The following PACRGL variants were observed in gnomAD, a reference collection of about 807,000 sequenced individuals.
The protein encoded by PACRGL is parkin coregulated like, also known as PACRG-like protein.
PACRGL carries 38 observed loss-of-function variants against 34.5 expected under a neutral mutation model. That is an observed-to-expected ratio of 1.10 (90% CI 0.85 to 1.44). The LOEUF (loss-of-function observed/expected upper bound fraction) is 1.44, where lower values mean the gene tolerates loss of function less well. Ranked by LOEUF, PACRGL falls within the 40% of genes most tolerant of loss-of-function variation. The probability of loss-of-function intolerance (pLI) is 0.00; values close to 1 mark genes in which losing one functional copy is unlikely to be tolerated. For synonymous variants in PACRGL, 128 were observed against 100.1 expected (o/e 1.28, Z -1.66); for missense variants, 305 against 281.4 (o/e 1.08, Z -0.60).
rs1356413364 is a variant in PACRGL at position 20,704,738 on chromosome 4, C to T, written c.131C>T (p.Ser44Leu). ...NAVQGSKSSL[S>L]TSSPESARKL... Reference sequence around the variant, plus strand: ...GTTCAGGGAAGCAAATCCTCATTGTCAACCAGTTCTCCAGAGTCTGCAAGA... The same window carrying T: ...GTTCAGGGAAGCAAATCCTCATTGTTAACCAGTTCTCCAGAGTCTGCAAGA... The change falls in exon 3 of 9, where the codon TCA (serine) becomes TTA (leucine). Residue 44 changes from serine (S) to leucine (L), a missense_variant. By Grantham distance (145) the Ser-to-Leu change is moderately radical (BLOSUM62 -2). Coordinates refer to ENST00000503585, the MANE Select transcript of PACRGL (RefSeq NM_001258345.3). 6.2e-7 allele frequency: 1 copy of T among 1,614,040 alleles called. No homozygotes were observed. The highest frequency in any genetic ancestry group is 1.1e-5 in the South Asian group (1 of 91,082).
intron 7 of PACRGL, chr4:20,716,329 C>T (rs1434353592): frequency 3.5e-6 from 2 of 572,034 alleles, no homozygotes; most frequent in Non-Finnish European, 6.1e-6. Flanking sequence ...GTTATTCATG[C>T]AGTGTTTTTT....
At position 20,741,477 on chromosome 4, in the gene PACRGL, G is replaced by A. The variant is rs184879391; in HGVS notation, c.*57-11088G>A. 1.4e-4 allele frequency among the ~76,000 whole-genome samples: 21 copies of A among 152,234 alleles called. No homozygotes were observed. The East Asian group carries it at 3.7e-3, about 27-fold the overall frequency. ...CCTGCTCCTGAATGACCACTGGGTA[G>A]ATAATGAAATGAAGGCAGAAATAAA... On this transcript the variant is annotated intron_variant, in intron 8 of 8. Coordinates refer to the PACRGL transcript ENST00000507634.
downstream of PACRGL, chr4:20,732,609 C>G: frequency 1.1e-6 from 1 of 895,200 alleles, no homozygotes; most frequent in African/African-American, 1.6e-5. Context: ...TTTGAATCAT[C>G]GTGGTGCATG....
At chr4:20,740,930 T>G (rs1309616246) in intron 8 of PACRGL, among the ~76,000 whole-genome samples, 4 of 151,962 alleles carry the variant, frequency 2.6e-5, no homozygotes, top group African/African-American at 9.7e-5. Flanking sequence ...TCCTAGTCTC[T>G]GATAAAACAG....
rs1489196438 is a variant in PACRGL at position 20,729,081 on chromosome 4, T to TCTTAGTAGACAGTGG, written c.*1741_*1755dup. ...CTTGCTAATTTTGCTTGCTGTTTGT[T>TCTTAGTAGACAGTGG]CTTAGTAGACAGTGGGGTAGTCAAG... On this transcript the variant is annotated 3_prime_UTR_variant, in exon 9 of 9. Coordinates refer to ENST00000503585, the MANE Select transcript of PACRGL (RefSeq NM_001258345.3). The TCTTAGTAGACAGTGG allele has an allele frequency of 2.0e-5, 3 of 152,062 alleles. No individual in the cohort carries two copies. Among genetic ancestry groups the TCTTAGTAGACAGTGG allele is most frequent in the Non-Finnish European group, 2.9e-5 (2 of 68,012 alleles). The allele number at this position is 152,062 out of a possible 1,614,324, so 9.4% of individuals were successfully genotyped here.
chr4:20,751,514 G>A (rs1210528793), intron 8 of PACRGL, among the ~76,000 whole-genome samples: 2 of 151,524 alleles, frequency 1.3e-5, no homozygotes, highest in Non-Finnish European at 2.9e-5. Flanking sequence ...GATCGATGGT[G>A]TGTTGAACTG....
At chr4:20,752,529 C>A (rs1341341724) in intron 8 of PACRGL, 1 of 152,182 alleles carries the variant, frequency 6.6e-6, no homozygotes, top group Non-Finnish European at 1.5e-5. Context: ...ACAAACGTAA[C>A]ATCTTTTCAC....
chr4:20,763,860 G>A, the PACRGL span, among the ~76,000 whole-genome samples: 1 of 152,210 alleles, frequency 6.6e-6, no homozygotes, highest in South Asian at 2.1e-4. Flanking sequence ...TCCCACTGAT[G>A]TTGTAACATG....
chr4:20,760,500 C>A, the PACRGL span, among the ~76,000 whole-genome samples: 4 of 152,228 alleles, frequency 2.6e-5, no homozygotes, highest in South Asian at 2.1e-4. Flanking sequence ...GCAGAATTTT[C>A]TATTTTCTCA....
At chr4:20,723,431 TTTTTTG>T (rs1744293892) in intron 7 of PACRGL, among the ~76,000 whole-genome samples, 1 of 151,392 alleles carries the variant, frequency 6.6e-6, no homozygotes, top group South Asian at 2.1e-4. Flanking sequence ...TTTTTTTTGT[TTTTTTG>T]TTTTTGTTTT....
At chr4:20,741,773 A>C (rs181273007) in intron 8 of PACRGL, among the ~76,000 whole-genome samples, 2,554 of 152,302 alleles carry the variant, frequency 0.017, 64 homozygotes, top group African/African-American at 0.059. Flanking sequence ...AAATCAATGA[A>C]TCCAGGAGCT....
intron 1 of PACRGL, among the ~76,000 whole-genome samples, chr4:20,703,477 A>AGTGTGTGTGTGTGTGTGT (rs34932810): frequency 2.1e-5 from 3 of 141,454 alleles, no homozygotes; most frequent in African/African-American, 7.9e-5. Flanking sequence ...TGGGTATATG[A>AGTGTGTGTGTGTGTGTGT]GTGTGTGTGT....
At chr4:20,718,520 A>G (rs1328347082) in intron 7 of PACRGL, among the ~76,000 whole-genome samples, 1 of 152,150 alleles carries the variant, frequency 6.6e-6, no homozygotes, top group Non-Finnish European at 1.5e-5. Context: ...TACCTAATCT[A>G]TTGAGAGTTT....
the PACRGL span, among the ~76,000 whole-genome samples, chr4:20,764,880 C>T: frequency 1.3e-5 from 2 of 152,154 alleles, no homozygotes; most frequent in African/African-American, 4.8e-5. Flanking sequence ...ACCACATCAC[C>T]ACAATCACAG....
chr4:20,715,073 A>G (rs1739199451), intron 7 of PACRGL, among the ~76,000 whole-genome samples: 1 of 152,208 alleles, frequency 6.6e-6, no homozygotes, highest in Non-Finnish European at 1.5e-5. Context: ...GTACATACAC[A>G]CCATGGAATA....
intron 7 of PACRGL, among the ~76,000 whole-genome samples, chr4:20,716,768 A>C (rs1261348255): frequency 6.6e-6 from 1 of 152,174 alleles, no homozygotes; most frequent in Non-Finnish European, 1.5e-5. Flanking sequence ...AGTCTTTGCT[A>C]TTGTGAATAG....
At chr4:20,720,223 C>G (rs1383569125) in intron 7 of PACRGL, among the ~76,000 whole-genome samples, 3 of 152,088 alleles carry the variant, frequency 2.0e-5, no homozygotes, top group Admixed American at 6.6e-5. Flanking sequence ...CTATGTGTGT[C>G]TCTGCACATG....
At chr4:20,752,932 A>G (rs575862636), downstream of PACRGL, 1 of 152,346 alleles carries the variant, frequency 6.6e-6, no homozygotes, top group East Asian at 1.9e-4. Flanking sequence ...AGATTTCAGT[A>G]CAGTCCAGGG....
At chr4:20,706,549 C>A (rs1309372263) in intron 3 of PACRGL, among the ~76,000 whole-genome samples, 2 of 151,756 alleles carry the variant, frequency 1.3e-5, no homozygotes, top group Non-Finnish European at 2.9e-5. Flanking sequence ...TGAATTGTTA[C>A]ACATAACATG....
Sources: allele counts gnomAD v4.1 joint callset (sites outside exome capture counted in the v4.1 genomes callset), GRCh38; gene constraint gnomAD v4.1.1; transcripts MANE v1.5; gene names NCBI Gene and HGNC (gene_info 2026-07-23, HGNC 2026-07-21).